Variants in DIPK2B observed in about 807,000 individuals in gnomAD.
DIPK2B encodes the protein divergent protein kinase domain 2B.
DIPK2B carries 15 observed loss-of-function variants against 22.2 expected under a neutral mutation model. The ratio of observed to expected loss-of-function variants is 0.68; its 90% CI spans 0.45 to 1.04. The LOEUF (loss-of-function observed/expected upper bound fraction) is 1.04. DIPK2B is among the 50% of genes least tolerant of loss of function. DIPK2B has a pLI of 0.00. For missense variants in DIPK2B, 345 were observed against 348.3 expected (o/e 0.99, Z 0.08); for synonymous variants, 163 against 153.2 (o/e 1.06, Z -0.47).
At chrX:45,168,302 A>G (rs1400410311) in intron 2 of DIPK2B, among the ~76,000 whole-genome samples, 1 of 112,719 alleles carries the variant, frequency 8.9e-6, no homozygotes, top group Admixed American at 9.4e-5. Context: ...GGGTAGAAGC[A>G]GAGACAGGAA....
rs751479483 is a variant in DIPK2B at position 45,157,722 on chromosome X, A to G, written c.665T>C (p.Leu222Pro). 1.7e-6 allele frequency: 2 copies of G among 1,192,726 alleles called. No individual in the cohort carries two copies. Among genetic ancestry groups the G allele is most frequent in the Non-Finnish European group, 2.3e-6 (2 of 885,394 alleles). Residue 222 changes from leucine (L) to proline (P), a missense_variant, in exon 3 of 5, where the codon CTC (leucine) becomes CCC (proline). Physicochemically the swap from Leu to Pro is moderately conservative, Grantham distance 98. Coordinates refer to ENST00000398000, the MANE Select transcript of DIPK2B (RefSeq NM_176819.4). ...TGCCAGGTCGCTGCATACCTGTAGG[A>G]GGATGGGGTGCGAGTTGACAGCCAG... ...YTLAVNSHPI[L>P]LQIFPGAEGW...
chrX:45,165,100 T>G (rs955476247), intron 2 of DIPK2B, among the ~76,000 whole-genome samples: 1 of 110,465 alleles, frequency 9.1e-6, no homozygotes, highest in African/African-American at 3.3e-5. Context: ...TCTGGAAAGG[T>G]AGGTCTGATG....
intron 2 of DIPK2B, among the ~76,000 whole-genome samples, chrX:45,185,629 G>A (rs940402277): frequency 6.7e-5 from 7 of 104,415 alleles, no homozygotes; most frequent in Non-Finnish European, 1.4e-4. Flanking sequence ...GCCTTTCACT[G>A]TCTCATTTTC....
chrX:45,158,111 T>C (rs28582600), intron 2 of DIPK2B, among the ~76,000 whole-genome samples: 5,751 of 72,980 alleles, frequency 0.079, 487 homozygotes, highest in African/African-American at 0.26. Flanking sequence ...GGCAGACCCC[T>C]GTGGCTGGGA....
rs185141407 is a variant in DIPK2B at position 45,165,164 on chromosome X, C to T, written c.499-7276G>A. 4.9e-4 allele frequency among the ~76,000 whole-genome samples: 54 copies of T among 110,965 alleles called. No homozygotes were observed. In the East Asian group the frequency reaches 0.014, roughly 29 times the overall value. ...TAACATGGGCTGTTCTTGTTATCAG[C>T]CAAGCCTAGGGAACAGAAGGGGAGC... is the stretch of plus-strand genomic sequence containing the variant. On this transcript the variant is annotated intron_variant, in intron 2 of 4. Coordinates refer to ENST00000398000, the MANE Select transcript of DIPK2B (RefSeq NM_176819.4).
intron 2 of DIPK2B, among the ~76,000 whole-genome samples, chrX:45,171,176 C>T (rs1347798360): frequency 9.0e-6 from 1 of 111,031 alleles, no homozygotes; most frequent in Non-Finnish European, 1.9e-5. Flanking sequence ...TGGACATCAT[C>T]GGGCTTATGG....
chrX:45,162,968 G>A (rs1432093394), intron 2 of DIPK2B: 10 of 750,752 alleles, frequency 1.3e-5, no homozygotes, highest in Non-Finnish European at 1.6e-5. Context: ...ATAAAATTTA[G>A]CAGGCATGTT....
chrX:45,192,297 C>T (rs1406498071), intron 1 of DIPK2B, among the ~76,000 whole-genome samples: 2 of 111,840 alleles, frequency 1.8e-5, no homozygotes, highest in Non-Finnish European at 1.9e-5. Context: ...AACTTTTACT[C>T]CCTGTAAAGA....
At chrX:45,183,278 G>T (rs761050583) in intron 2 of DIPK2B, 2 of 111,705 alleles carry the variant, frequency 1.8e-5, no homozygotes, top group Admixed American at 1.9e-4. Flanking sequence ...TGGGAAAAAG[G>T]TGAAGCAAAA....
At chrX:45,169,496 G>C (rs1210722245) in intron 2 of DIPK2B, among the ~76,000 whole-genome samples, 1 of 111,169 alleles carries the variant, frequency 9.0e-6, no homozygotes, top group Non-Finnish European at 1.9e-5. Context: ...GTTCACTTGT[G>C]ACCTTAGTCA....
rs369657648 is a variant in DIPK2B at position 45,151,899 on chromosome X, A to G, written c.1055T>C (p.Ile352Thr). The G allele has an allele frequency of 3.3e-5, 40 of 1,207,553 alleles. No individual in the cohort carries two copies. Among genetic ancestry groups the G allele is most frequent in the Middle Eastern group, 4.6e-4 (2 of 4,352 alleles). Reference protein sequence around the residue: ...CQAQLPSCESISEKQSLVLVC... With the variant: ...CQAQLPSCESTSEKQSLVLVC... ...CAGCACCAGGCTCTGCTTCTCAGAG[A>G]TGCTTTCGCAGGAGGGCAGCTGGGC... The change falls in exon 5 of 5, where the codon ATC (isoleucine) becomes ACC (threonine). Residue 352 changes from isoleucine to threonine, a missense_variant. Coordinates refer to ENST00000398000, the MANE Select transcript of DIPK2B (RefSeq NM_176819.4).
intron 2 of DIPK2B, among the ~76,000 whole-genome samples, chrX:45,166,778 A>G (rs770701623): frequency 8.9e-6 from 1 of 112,636 alleles, no homozygotes; most frequent in Non-Finnish European, 1.9e-5. Flanking sequence ...ATCTAAGACC[A>G]GAAATGTGGC....
intron 2 of DIPK2B, among the ~76,000 whole-genome samples, chrX:45,176,906 C>G (rs1212774875): frequency 9.0e-6 from 1 of 111,501 alleles, no homozygotes; most frequent in African/African-American, 3.3e-5. Flanking sequence ...TGCCACCAAC[C>G]CTTCTTGCCC....
chrX:45,152,129 G>A lies in DIPK2B; in HGVS notation c.962-137C>T, dbSNP rs142366177. 3,219 of 559,123 alleles carry A rather than the reference G, an allele frequency of 5.8e-3. 38 individuals are homozygous for A. Among genetic ancestry groups the A allele is most frequent in the South Asian group, 0.053 (1,657 of 31,001 alleles). 46.1% of individuals were successfully genotyped at this position (559,123 alleles called of 1,213,427 possible). On this transcript the variant is annotated intron_variant, in intron 4 of 4. Coordinates refer to ENST00000398000, the MANE Select transcript of DIPK2B (RefSeq NM_176819.4). ...TCCCAGCACTTTGGGAGGCTGAGGC[G>A]GGCAGATCACTTGAGGTCAGGAGTC... is the stretch of plus-strand genomic sequence containing the variant.
intron 2 of DIPK2B, among the ~76,000 whole-genome samples, chrX:45,169,845 G>A (rs1335168875): frequency 8.9e-6 from 1 of 111,953 alleles, no homozygotes. Flanking sequence ...AGGCAGAAGG[G>A]TTGGGGAGTG....
At chrX:45,198,694 C>A (rs2047252643) in intron 1 of DIPK2B, among the ~76,000 whole-genome samples, 1 of 111,342 alleles carries the variant, frequency 9.0e-6, no homozygotes, top group Non-Finnish European at 1.9e-5. Context: ...CCTTAAATTT[C>A]TCTCCCTCCT....
intron 2 of DIPK2B, among the ~76,000 whole-genome samples, 174 bp from the exon 3 acceptor site, chrX:45,158,062 G>A (rs1376425821): frequency 9.9e-6 from 1 of 101,051 alleles, no homozygotes; most frequent in Non-Finnish European, 2.0e-5. Context: ...GGATTGTGGG[G>A]TGGGAGGGGT....
chrX:45,161,669 C>T (rs146067835), intron 2 of DIPK2B, among the ~76,000 whole-genome samples: 23 of 112,286 alleles, frequency 2.0e-4, no homozygotes, highest in South Asian at 7.4e-4. Context: ...GTTAGGAAGA[C>T]GCAGTGATTG....
intron 2 of DIPK2B, among the ~76,000 whole-genome samples, chrX:45,190,034 T>C (rs767016390): frequency 2.7e-5 from 3 of 112,136 alleles, no homozygotes; most frequent in Non-Finnish European, 5.6e-5. Flanking sequence ...ATGACAAAAT[T>C]GCTAGAGAAA....
Sources: allele counts gnomAD v4.1 joint callset (sites outside exome capture counted in the v4.1 genomes callset), GRCh38; gene constraint gnomAD v4.1.1; transcripts MANE v1.5; gene names NCBI Gene and HGNC (gene_info 2026-07-23, HGNC 2026-07-21).